The following SASH1 variants were observed in gnomAD, a reference collection of about 807,000 sequenced individuals.
SASH1 encodes the protein SAM and SH3 domain-containing protein 1.
In SASH1, 44 loss-of-function variants were observed where a neutral mutation model predicts 125.2. The ratio of observed to expected loss-of-function variants is 0.35; its 90% CI spans 0.28 to 0.45. The LOEUF (loss-of-function observed/expected upper bound fraction) is 0.45. Among genes scored for constraint, SASH1 ranks in the 20% least tolerant of loss-of-function variants. The probability of loss-of-function intolerance (pLI) is 1.00; values close to 1 mark genes in which losing one functional copy is unlikely to be tolerated. For synonymous variants in SASH1, 639 were observed against 649.1 expected (o/e 0.98, Z 0.24); for missense variants, 1,426 against 1,614.5 (o/e 0.88, Z 2.00).
intron 5 of SASH1, among the ~76,000 whole-genome samples, chr6:148,470,463 G>C (rs1233242617): frequency 6.6e-6 from 1 of 152,202 alleles, no homozygotes; most frequent in African/African-American, 2.4e-5. Context: ...CTGCTATTTT[G>C]AATGTGCCAC....
intron 4 of SASH1, among the ~76,000 whole-genome samples, chr6:148,449,078 C>CTTTTTCTTTTTT: frequency 2.3e-5 from 2 of 88,734 alleles, no homozygotes; most frequent in Non-Finnish European, 4.6e-5. Flanking sequence ...CATTTCATTT[C>CTTTTTCTTTTTT]TTTTTTTTTT....
At chr6:148,517,751 T>A (rs1191375303) in intron 9 of SASH1, among the ~76,000 whole-genome samples, 2 of 152,180 alleles carry the variant, frequency 1.3e-5, no homozygotes, top group Non-Finnish European at 2.9e-5. Flanking sequence ...GGTTCCAGAC[T>A]CAGATGTGAC....
At chr6:148,245,962 G>A in the SASH1 span, among the ~76,000 whole-genome samples, 4 of 149,714 alleles carry the variant, frequency 2.7e-5, no homozygotes, top group South Asian at 4.2e-4. Flanking sequence ...CAGCCTGGGC[G>A]ACAGAACCAG....
intron 7 of SASH1, 95 bp from the exon 8 acceptor site, chr6:148,487,518 GA>G: frequency 3.6e-6 from 3 of 843,342 alleles, no homozygotes; most frequent in Non-Finnish European, 5.7e-6. Context: ...TATGAACCAG[GA>G]ACCTAGATGT....
intron 1 of SASH1, among the ~76,000 whole-genome samples, chr6:148,388,275 G>GAGTA (rs1783564429): frequency 6.6e-6 from 1 of 152,160 alleles, no homozygotes; most frequent in African/African-American, 2.4e-5. Context: ...CCAGGAGGCT[G>GAGTA]AGGGCCACGG....
chr6:148,347,173 C>T (rs1161945852), intron 1 of SASH1, among the ~76,000 whole-genome samples: 1 of 152,098 alleles, frequency 6.6e-6, no homozygotes, highest in African/African-American at 2.4e-5. Context: ...CTTCTGCCTA[C>T]AGGATTTGAG....
upstream of SASH1, among the ~76,000 whole-genome samples, chr6:148,341,568 A>G (rs756439736): frequency 2.6e-5 from 4 of 152,064 alleles, no homozygotes; most frequent in Admixed American, 6.5e-5. Context: ...CTATTCACCC[A>G]TTGCATTGAT....
chr6:148,363,696 G>A lies in SASH1; in HGVS notation c.156+20473G>A, dbSNP rs1251169131. Among the ~76,000 whole-genome samples, 4 of 152,048 alleles carry A rather than the reference G, an allele frequency of 2.6e-5. No individual in the cohort carries two copies. In the East Asian group the frequency reaches 7.8e-4, roughly 29 times the overall value. Reference sequence around the variant, plus strand: ...ATTACAGGCATAAGCCACCACGCCCGGCCGATTGAGGCTCTTCTTAACCTC... The same window carrying A: ...ATTACAGGCATAAGCCACCACGCCCAGCCGATTGAGGCTCTTCTTAACCTC... On this transcript the variant is annotated intron_variant, in intron 1 of 19. Coordinates refer to ENST00000367467, the MANE Select transcript of SASH1 (RefSeq NM_015278.5).
chr6:148,475,707 T>A (rs1288555798), intron 7 of SASH1, among the ~76,000 whole-genome samples: 1 of 152,170 alleles, frequency 6.6e-6, no homozygotes, highest in East Asian at 1.9e-4. Context: ...GGCACACATA[T>A]ACTCAGTTTA....
intron 1 of SASH1, among the ~76,000 whole-genome samples, chr6:148,354,916 C>T (rs1781870666): frequency 6.6e-6 from 1 of 152,132 alleles, no homozygotes; most frequent in Non-Finnish European, 1.5e-5. Flanking sequence ...TATGCCACCA[C>T]CCCCATCTGA....
At chr6:148,334,449 G>C (rs1174497156) in intron 1 of SASH1, among the ~76,000 whole-genome samples, 2 of 103,502 alleles carry the variant, frequency 1.9e-5, no homozygotes, top group Non-Finnish European at 4.0e-5. Flanking sequence ...AAAAAAAAAA[G>C]AGATAATAGC....
chr6:148,394,583 TCTGAGGAC>T (rs1783866982), intron 2 of SASH1, among the ~76,000 whole-genome samples: 1 of 152,178 alleles, frequency 6.6e-6, no homozygotes, highest in Non-Finnish European at 1.5e-5. Flanking sequence ...CAACTTCAGG[TCTGAGGAC>T]CTGCAGCTTA....
chr6:148,473,817 C>G lies in SASH1; in HGVS notation c.515-293C>G, dbSNP rs115051988. Among the ~76,000 whole-genome samples the G allele has an allele frequency of 4.1e-3, 628 of 152,260 alleles. 2 individuals carry two copies. Among genetic ancestry groups the G allele is most frequent in the African/African-American group, 0.014 (588 of 41,550 alleles). On this transcript the variant is annotated intron_variant, in intron 6 of 19. Coordinates refer to ENST00000367467, the MANE Select transcript of SASH1 (RefSeq NM_015278.5). ...ATAGCGAGGATCTCTCTCTCACTTTCCTCCAAAACCCATCCACTGGGTACT... is the reference window on the plus strand; with the variant it reads ...ATAGCGAGGATCTCTCTCTCACTTTGCTCCAAAACCCATCCACTGGGTACT...
chr6:148,475,201 T>C (rs1281576711), intron 7 of SASH1, among the ~76,000 whole-genome samples: 1 of 152,192 alleles, frequency 6.6e-6, no homozygotes, highest in Non-Finnish European at 1.5e-5. Flanking sequence ...GGTTTAGAAA[T>C]TGACAAAAAC....
At chr6:148,521,347 C>T (rs745385757) in intron 10 of SASH1, among the ~76,000 whole-genome samples, 1 of 152,214 alleles carries the variant, frequency 6.6e-6, no homozygotes, top group Non-Finnish European at 1.5e-5. Context: ...TCCCAGGGGG[C>T]CTTCCCGTTC....
chr6:148,240,036 A>C, the SASH1 span: 1 of 152,230 alleles, frequency 6.6e-6, no homozygotes, highest in Non-Finnish European at 1.5e-5. Flanking sequence ...GTAAGACAGA[A>C]AGCTTGTACC....
At chr6:148,446,101 T>TC (rs1776761627) in intron 4 of SASH1, among the ~76,000 whole-genome samples, 2 of 8,520 alleles carry the variant, frequency 2.3e-4, no homozygotes, top group Non-Finnish European at 4.5e-4. Context: ...TTTTTTTTTT[T>TC]TTTTTTTTTT....
chr6:148,390,289 T>G, intron 2 of SASH1, 27 bp downstream of exon 2: 5 of 1,604,934 alleles, frequency 3.1e-6, no homozygotes, highest in Non-Finnish European at 4.3e-6. Flanking sequence ...GGAATATGCT[T>G]CTGTGAGCAG....
the SASH1 span, among the ~76,000 whole-genome samples, chr6:148,211,738 A>G: frequency 1.3e-5 from 2 of 152,140 alleles, no homozygotes; most frequent in Non-Finnish European, 2.9e-5. Flanking sequence ...GTGTCTCATC[A>G]TGCTCTTTCC....
Sources: gnomAD v4.1 joint callset for allele counts (sites outside exome capture counted in the v4.1 genomes callset) on GRCh38, gnomAD v4.1.1 for gene constraint, MANE v1.5 for transcripts, NCBI Gene and HGNC (gene_info 2026-07-23, HGNC 2026-07-21) for gene names.